NALF1: variants seen among roughly 807,000 people sequenced by gnomAD.
NALF1 encodes the protein NALCN channel auxiliary factor 1.
In NALF1, 3 loss-of-function variants were observed where a neutral mutation model predicts 48.4. That is an observed-to-expected ratio of 0.06 (90% CI 0.03 to 0.16). The LOEUF (loss-of-function observed/expected upper bound fraction) is 0.16. NALF1 is among the 10% of genes least tolerant of loss of function. The pLI, the probability that NALF1 is intolerant of heterozygous loss-of-function variation, is 1.00. For synonymous variants in NALF1, 262 were observed against 245.7 expected, an observed-to-expected ratio of 1.07 and a Z score of -0.62; for missense variants, 526 against 571.5, an observed-to-expected ratio of 0.92 and a Z score of 0.81.
At chr13:107,621,996 G>GTTTTTTTTT (rs34784565) in intron 1 of NALF1, among the ~76,000 whole-genome samples, 1 of 150,034 alleles carries the variant, frequency 6.7e-6, no homozygotes, top group Non-Finnish European at 1.5e-5. Context: ...CCACAAAGCA[G>GTTTTTTTTT]TTTTTTTTTT....
intron 1 of NALF1, among the ~76,000 whole-genome samples, chr13:107,675,713 C>A (rs113081388): frequency 1.2e-4 from 18 of 152,202 alleles, no homozygotes; most frequent in African/African-American, 4.1e-4. Context: ...CTATCACCAA[C>A]GTTTTAAATA....
At chr13:107,623,028 G>T (rs1879568598) in intron 1 of NALF1, among the ~76,000 whole-genome samples, 1 of 152,078 alleles carries the variant, frequency 6.6e-6, no homozygotes, top group Admixed American at 6.6e-5. Context: ...TGTGTGAGAG[G>T]TTACCACTGT....
intron 1 of NALF1, among the ~76,000 whole-genome samples, chr13:107,355,085 A>G (rs1245748549): frequency 6.6e-6 from 1 of 152,180 alleles, no homozygotes; most frequent in Non-Finnish European, 1.5e-5. Context: ...CTTTGTTCTC[A>G]GTGATCTTTG....
intron 1 of NALF1, among the ~76,000 whole-genome samples, chr13:107,358,219 A>C (rs1882998149): frequency 6.6e-6 from 1 of 151,892 alleles, no homozygotes; most frequent in African/African-American, 2.4e-5. Flanking sequence ...CTGCTGTTAC[A>C]AGTGCAAACT....
intron 1 of NALF1, among the ~76,000 whole-genome samples, chr13:107,526,051 A>G (rs1367808428): frequency 6.6e-6 from 1 of 152,100 alleles, no homozygotes. Flanking sequence ...CATATTCTGG[A>G]TACAAGTTAT....
At chr13:107,184,181 TAA>T (rs35875309) in intron 2 of NALF1, among the ~76,000 whole-genome samples, 37 of 145,500 alleles carry the variant, frequency 2.5e-4, no homozygotes, top group South Asian at 4.3e-4. Context: ...AAAAGTGTAA[TAA>T]AAAAAAAAAA....
chr13:107,783,266 T>C (rs77167762), intron 1 of NALF1, among the ~76,000 whole-genome samples: 4,815 of 40,550 alleles, frequency 0.12, 707 homozygotes, highest in Non-Finnish European at 0.14. Context: ...GCCCGGCCAG[T>C]CGCCCCGTCC....
Position 107,362,408 on chromosome 13 carries a change from A to G in NALF1, c.916-151653T>C, listed in dbSNP as rs9520402. On this transcript the variant is annotated intron_variant, in intron 1 of 2. Transcript: ENST00000375915. This position sits in a 1 kb window ranked among gnomAD's most constrained non-coding sequence, Gnocchi z 4.6. The stretch of plus-strand genomic sequence containing the variant: ...ATGCTTCCTCTGAAACCTGTAGAGT[A>G]GCATCTTCGCTTGCCTCCTCCTGAC... Among the ~76,000 whole-genome samples, 106,821 of 151,952 alleles carry G rather than the reference A, an allele frequency of 0.7. 38,120 individuals are homozygous for G. The highest frequency in any genetic ancestry group is 0.82 in the Middle Eastern group (240 of 294).
intron 1 of NALF1, among the ~76,000 whole-genome samples, chr13:107,756,941 T>C (rs1877118418): frequency 6.6e-6 from 1 of 152,204 alleles, no homozygotes; most frequent in African/African-American, 2.4e-5. Flanking sequence ...AAGTTCATAC[T>C]AAAGGCTACA....
At chr13:107,612,362 T>C (rs1228064634) in intron 1 of NALF1, among the ~76,000 whole-genome samples, 1 of 152,040 alleles carries the variant, frequency 6.6e-6, no homozygotes, top group African/African-American at 2.4e-5. Flanking sequence ...TATGTGCATA[T>C]AGTTACCAAT....
At chr13:107,310,185 G>A (rs756603637) in intron 1 of NALF1, among the ~76,000 whole-genome samples, 27 of 152,164 alleles carry the variant, frequency 1.8e-4, no homozygotes, top group Non-Finnish European at 2.8e-4. Context: ...CCAGGAAGGC[G>A]GATCACTTGA....
intron 1 of NALF1, among the ~76,000 whole-genome samples, chr13:107,339,629 G>A (rs548410240): frequency 9.2e-5 from 14 of 152,248 alleles, no homozygotes; most frequent in East Asian, 3.9e-4. Flanking sequence ...CTGGCACAGC[G>A]TCCCATATGC....
intron 1 of NALF1, among the ~76,000 whole-genome samples, chr13:107,513,619 T>C (rs917639775): frequency 6.6e-6 from 1 of 152,182 alleles, no homozygotes; most frequent in Non-Finnish European, 1.5e-5. Flanking sequence ...GCCTCAAGCC[T>C]AGATCAATGG....
At chr13:107,698,511 A>G (rs1377004386) in intron 1 of NALF1, among the ~76,000 whole-genome samples, 1 of 152,054 alleles carries the variant, frequency 6.6e-6, no homozygotes, top group African/African-American at 2.4e-5. Flanking sequence ...ACCTACTCCT[A>G]TACCCCATAT....
intron 1 of NALF1, among the ~76,000 whole-genome samples, chr13:107,488,576 C>A (rs754447678): frequency 6.6e-6 from 1 of 152,060 alleles, no homozygotes; most frequent in African/African-American, 2.4e-5. Flanking sequence ...TTCAACATCC[C>A]TTTATGTTAA....
chr13:107,451,062 A>G (rs1884731428), intron 1 of NALF1, among the ~76,000 whole-genome samples: 1 of 152,234 alleles, frequency 6.6e-6, no homozygotes, highest in Admixed American at 6.5e-5. Flanking sequence ...GATGAAATAA[A>G]AACCCAAAGG....
chr13:107,264,131 T>C (rs779143003), intron 1 of NALF1, among the ~76,000 whole-genome samples: 12 of 152,222 alleles, frequency 7.9e-5, no homozygotes, highest in Non-Finnish European at 1.5e-4. Flanking sequence ...ATGAGGTCAT[T>C]ATTTTTGTGT....
intron 1 of NALF1, among the ~76,000 whole-genome samples, chr13:107,660,423 ACT>A (rs979191342): frequency 2.0e-5 from 3 of 146,900 alleles, no homozygotes; most frequent in African/African-American, 7.5e-5. Flanking sequence ...ACAGGGCAAG[ACT>A]CTGTCTCAAA....
At chr13:107,445,236 A>C (rs986804210) in intron 1 of NALF1, among the ~76,000 whole-genome samples, 1 of 152,196 alleles carries the variant, frequency 6.6e-6, no homozygotes, top group East Asian at 1.9e-4. Flanking sequence ...AGCTCTTTAC[A>C]GCCACCCTCT....
Sources: gnomAD v4.1 joint callset for allele counts (sites outside exome capture counted in the v4.1 genomes callset) on GRCh38, gnomAD v4.1.1 for gene constraint, Gnocchi (gnomAD v3.1) non-coding constraint, MANE v1.5 for transcripts, NCBI Gene and HGNC (gene_info 2026-07-23, HGNC 2026-07-21) for gene names.